Variants in S100Z observed in about 807,000 individuals in gnomAD.
S100Z encodes protein S100-Z.
S100Z carries 11 observed loss-of-function variants against 8.5 expected under a neutral mutation model. That is an observed-to-expected ratio of 1.30 (90% confidence interval 0.82 to 2.15). The LOEUF (loss-of-function observed/expected upper bound fraction) is 2.15. S100Z is among the 30% of genes most tolerant of loss of function. The probability of loss-of-function intolerance (pLI) is 0.00; values close to 1 mark genes in which losing one functional copy is unlikely to be tolerated. For synonymous variants in S100Z, 34 were observed against 43.8 expected, an observed-to-expected ratio of 0.78 and a Z score of 0.89; for missense variants, 126 against 117.9, an observed-to-expected ratio of 1.07 and a Z score of -0.32.
At chr5:76,912,086 C>T (rs1007437778) in intron 4 of S100Z, among the ~76,000 whole-genome samples, 1 of 73,186 alleles carries the variant, frequency 1.4e-5, no homozygotes, top group Non-Finnish European at 2.6e-5. Context: ...GTAGTTGCGG[C>T]GTTGGCTTAG....
intron 2 of S100Z, among the ~76,000 whole-genome samples, chr5:76,871,608 C>T (rs1291686980): frequency 6.6e-6 from 1 of 151,788 alleles, no homozygotes; most frequent in East Asian, 1.9e-4. Flanking sequence ...CTGCAACCTC[C>T]ACCTCCCAAG....
the S100Z span, among the ~76,000 whole-genome samples, chr5:76,927,539 C>T: frequency 3.9e-5 from 6 of 152,306 alleles, no homozygotes; most frequent in South Asian, 2.1e-4. Flanking sequence ...CAGCCACAAC[C>T]GGTCTGGGTT....
In S100Z at chr5:76,875,636, G is replaced by A. The variant is rs1342302729; in HGVS notation, c.141+136G>A. The A allele has an allele frequency of 6.6e-6, 5 of 761,238 alleles. No homozygotes were observed. The Admixed American group carries it at 1.5e-4, about 22-fold the overall frequency. 47.2% of individuals were successfully genotyped at this position (761,238 alleles called of 1,614,324 possible). A position where few individuals can be genotyped will look rare whatever the true frequency, so the allele number is the denominator to read the frequency against. ...AATTTGTACAGAGATTCAAAATATA[G>A]GGGAAGCAAACACTGGAGACGTTTG... On this transcript the variant is annotated intron_variant, in intron 3 of 4. Coordinates refer to ENST00000317593, the MANE Select transcript of S100Z (RefSeq NM_130772.4).
intron 1 of S100Z, among the ~76,000 whole-genome samples, chr5:76,852,008 A>G (rs1366399754): frequency 6.6e-6 from 1 of 152,068 alleles, no homozygotes; most frequent in Non-Finnish European, 1.5e-5. Flanking sequence ...CTTGAGTTGC[A>G]GTCTTAAAAT....
intron 4 of S100Z, among the ~76,000 whole-genome samples, chr5:76,878,972 T>A (rs1458791126): frequency 2.0e-5 from 3 of 152,208 alleles, no homozygotes; most frequent in African/African-American, 7.2e-5. Flanking sequence ...CTTTCTTCTA[T>A]GTATCAGAAC....
chr5:76,862,881 C>T (rs560898538), intron 1 of S100Z, among the ~76,000 whole-genome samples: 76 of 152,270 alleles, frequency 5.0e-4, no homozygotes, highest in African/African-American at 1.8e-3. Context: ...CAAGTTCACT[C>T]CTGCTCTGTG....
At chr5:76,888,617 C>T (rs1245460850) in intron 4 of S100Z, among the ~76,000 whole-genome samples, 1 of 151,978 alleles carries the variant, frequency 6.6e-6, no homozygotes, top group Non-Finnish European at 1.5e-5. Context: ...ACCTTGTGAT[C>T]CGCCCATCTC....
At chr5:76,850,394 G>A (rs972323443) in intron 1 of S100Z, among the ~76,000 whole-genome samples, 4 of 151,980 alleles carry the variant, frequency 2.6e-5, no homozygotes, top group African/African-American at 9.7e-5. Context: ...GGAGCGTAGA[G>A]GTTCTGGTAA....
rs6864862 is a variant in S100Z, at chr5:76,863,620, G to C, written c.-175-6546G>C. Among the ~76,000 whole-genome samples, 887 of 151,484 alleles carry C rather than the reference G, an allele frequency of 5.9e-3. 14 individuals are homozygous for C. The highest frequency in any genetic ancestry group is 0.041 in the Middle Eastern group (12 of 292). On this transcript the variant is annotated intron_variant, in intron 1 of 4. Transcript: ENST00000317593. ...GTGGCGCGATCTCGGCTCACTGCAA[G>C]CTCCGCCTCCCGGGTTCACGCCATT...
chr5:76,925,055 C>T (rs1212583817), downstream of S100Z, among the ~76,000 whole-genome samples: 1 of 152,076 alleles, frequency 6.6e-6, no homozygotes, highest in Non-Finnish European at 1.5e-5. Flanking sequence ...GGAACCACTT[C>T]CAAGCTTACT....
intron 1 of S100Z, among the ~76,000 whole-genome samples, chr5:76,863,929 A>G (rs1048004563): frequency 1.3e-5 from 2 of 152,222 alleles, no homozygotes; most frequent in Admixed American, 6.5e-5. Context: ...TTAAATCTAG[A>G]ATTTTATATG....
chr5:76,913,349 C>G (rs6890905), intron 4 of S100Z, among the ~76,000 whole-genome samples: 2 of 152,076 alleles, frequency 1.3e-5, no homozygotes, highest in African/African-American at 2.4e-5. Flanking sequence ...GAAAAAGACA[C>G]AATGGATATT....
At chr5:76,903,888 C>A (rs1320187559) in intron 4 of S100Z, among the ~76,000 whole-genome samples, 1 of 151,368 alleles carries the variant, frequency 6.6e-6, no homozygotes, top group African/African-American at 2.4e-5. Context: ...CCACGCCTGG[C>A]TATTTTTTTT....
intron 4 of S100Z, among the ~76,000 whole-genome samples, chr5:76,913,405 T>G (rs529068071): frequency 2.6e-5 from 4 of 152,310 alleles, no homozygotes; most frequent in Non-Finnish European, 5.9e-5. Context: ...TTAGGAAAAT[T>G]GCCTAATGAT....
chr5:76,942,495 T>G, the S100Z span, among the ~76,000 whole-genome samples: 1 of 151,596 alleles, frequency 6.6e-6, no homozygotes, highest in Admixed American at 6.6e-5. Flanking sequence ...CCTAAATGAC[T>G]TAGAGGAAAC....
chr5:76,898,933 CTT>C (rs56287065), intron 4 of S100Z, among the ~76,000 whole-genome samples: 3 of 109,956 alleles, frequency 2.7e-5, no homozygotes, highest in Non-Finnish European at 5.3e-5. Context: ...CTTTTCTTTT[CTT>C]TTTTTTTTTT....
At chr5:76,904,646 G>T (rs1744362019) in intron 4 of S100Z, among the ~76,000 whole-genome samples, 1 of 152,120 alleles carries the variant, frequency 6.6e-6, no homozygotes, top group Non-Finnish European at 1.5e-5. Flanking sequence ...CTTTCAAGTA[G>T]AGTTGAGATA....
intron 4 of S100Z, among the ~76,000 whole-genome samples, chr5:76,882,789 G>A (rs1040815519): frequency 5.3e-5 from 8 of 152,214 alleles, no homozygotes; most frequent in Non-Finnish European, 1.0e-4. Context: ...TCTAATGGGT[G>A]TCAGGGTCAG....
At position 76,875,426 on chromosome 5, in the gene S100Z, G is replaced by T. The variant is rs1402599747; in HGVS notation, c.67G>T (p.Glu23Ter). ...AATCTTCCACCGCTATTCTGGCAAG[G>T]AAAGGAAGAGATTCAAGCTCAGCAA... ...IRIFHRYSGK[E>*]RKRFKLSKGE... The change falls in exon 3 of 5, where the codon GAA (glutamate) becomes TAA (stop). Residue 23 changes from glutamate to a stop codon, truncating the protein, a stop_gained. Coordinates refer to ENST00000317593, the MANE Select transcript of S100Z (RefSeq NM_130772.4). LOFTEE classifies it high-confidence loss of function. 6.2e-7 allele frequency: 1 copy of T among 1,613,202 alleles called. No homozygotes were observed. The highest frequency in any genetic ancestry group is 8.5e-7 in the Non-Finnish European group (1 of 1,179,558).
Sources: allele counts gnomAD v4.1 joint callset (sites outside exome capture counted in the v4.1 genomes callset), GRCh38; gene constraint gnomAD v4.1.1; transcripts MANE v1.5; gene names NCBI Gene and HGNC (gene_info 2026-07-23, HGNC 2026-07-21).